The following HPSE variants were observed in gnomAD, a reference collection of about 807,000 sequenced individuals.
The protein encoded by HPSE is endo-glucoronidase.
In HPSE, 48 loss-of-function variants were observed where a neutral mutation model predicts 65.1. That is an observed-to-expected ratio of 0.74 (90% confidence interval 0.58 to 0.94). HPSE has a LOEUF of 0.94. Ranked by LOEUF, HPSE falls within the 40% of genes least tolerant of loss-of-function variation. The pLI is 0.00. For missense variants in HPSE, 644 were observed against 637.5 expected (o/e 1.01, Z -0.11); for synonymous variants, 243 against 260.0 (o/e 0.93, Z 0.63).
chr4:83,305,451 G>A (rs1011271657), intron 9 of HPSE, among the ~76,000 whole-genome samples: 1 of 152,146 alleles, frequency 6.6e-6, no homozygotes, highest in Non-Finnish European at 1.5e-5. Flanking sequence ...CAAAAGCCTA[G>A]CTTATATTTT....
chr4:83,325,441 C>T (rs762140354), intron 1 of HPSE, among the ~76,000 whole-genome samples: 1 of 152,184 alleles, frequency 6.6e-6, no homozygotes, highest in Non-Finnish European at 1.5e-5. Flanking sequence ...GCTGGGATTA[C>T]AGGCATGGGC....
At chr4:83,303,744 G>A (rs1177663900) in intron 9 of HPSE, among the ~76,000 whole-genome samples, 1 of 152,040 alleles carries the variant, frequency 6.6e-6, no homozygotes, top group Non-Finnish European at 1.5e-5. Flanking sequence ...GCCGTAGCTG[G>A]TCTTGAACTC....
intron 3 of HPSE, among the ~76,000 whole-genome samples, chr4:83,315,822 T>C (rs1257314417): frequency 6.6e-6 from 1 of 152,214 alleles, no homozygotes; most frequent in Non-Finnish European, 1.5e-5. Flanking sequence ...GTACTAGCCC[T>C]GAACAAAGAT....
intron 5 of HPSE, among the ~76,000 whole-genome samples, chr4:83,310,360 C>CTT (rs11447474): frequency 0.012 from 1,828 of 148,064 alleles, 20 homozygotes; most frequent in Non-Finnish European, 0.02. Flanking sequence ...CAGAGAGAAT[C>CTT]TTTTTTTTTT....
intron 9 of HPSE, among the ~76,000 whole-genome samples, chr4:83,305,533 GAAAATAT>G (rs1290160084): frequency 2.6e-5 from 4 of 152,100 alleles, no homozygotes; most frequent in Non-Finnish European, 5.9e-5. Context: ...ATTATTCTTA[GAAAATAT>G]ATATCTGCAA....
intron 11 of HPSE, among the ~76,000 whole-genome samples, chr4:83,298,496 G>T (rs1399107493): frequency 6.6e-6 from 1 of 151,296 alleles, no homozygotes; most frequent in African/African-American, 2.4e-5. Context: ...AAAAACAGAT[G>T]TTCATTTAAA....
At chr4:83,334,931 C>T, upstream of HPSE, 1 of 1,256,096 alleles carries the variant, frequency 8.0e-7, no homozygotes, top group Non-Finnish European at 1.1e-6. Context: ...GCCCTCCATC[C>T]CTCCCACTCC....
At position 83,292,780 on chromosome 4, in the gene HPSE, T is replaced by G. The variant is rs915187071; in HGVS notation, c.*2564A>C. 6.6e-6 allele frequency: 1 copy of G among 152,220 alleles called. No homozygotes were observed. The highest frequency in any genetic ancestry group is 1.5e-5 in the Non-Finnish European group (1 of 68,038). 9.4% of individuals were successfully genotyped at this position (152,220 alleles called of 1,614,324 possible). A position where few individuals can be genotyped will look rare whatever the true frequency, so the allele number is the denominator to read the frequency against. On this transcript the variant is annotated 3_prime_UTR_variant, in exon 12 of 12. Coordinates refer to ENST00000311412, the MANE Select transcript of HPSE (RefSeq NM_001098540.3). The stretch of plus-strand genomic sequence containing the variant: ...GGAATGGAAAACCAAATACTGCATG[T>G]TCTCACTTATAAGTGGAAGCTTAGC...
intron 5 of HPSE, among the ~76,000 whole-genome samples, chr4:83,310,356 G>A (rs1040013289): frequency 9.4e-6 from 1 of 106,630 alleles, no homozygotes; most frequent in Non-Finnish European, 2.1e-5. Context: ...CTACCAGAGA[G>A]AATCTTTTTT....
chr4:83,307,499 C>A (rs1397341786), intron 8 of HPSE, among the ~76,000 whole-genome samples: 1 of 152,098 alleles, frequency 6.6e-6, no homozygotes, highest in Non-Finnish European at 1.5e-5. Context: ...TAGAGGTATC[C>A]CTTTCAGGGT....
chr4:83,292,780 T>C lies in HPSE; in HGVS notation c.*2564A>G, dbSNP rs915187071. On this transcript the variant is annotated 3_prime_UTR_variant, in exon 12 of 12. Transcript: ENST00000311412. ...GGAATGGAAAACCAAATACTGCATG[T>C]TCTCACTTATAAGTGGAAGCTTAGC... The C allele has an allele frequency of 6.6e-6, 1 of 152,220 alleles. No individual in the cohort carries two copies. Among genetic ancestry groups the C allele is most frequent in the Non-Finnish European group, 1.5e-5 (1 of 68,038 alleles). The allele number at this position is 152,220 out of a possible 1,614,324, so 9.4% of individuals were successfully genotyped here.
intron 3 of HPSE, among the ~76,000 whole-genome samples, chr4:83,317,668 A>G (rs1374468860): frequency 6.6e-6 from 1 of 152,118 alleles, no homozygotes; most frequent in African/African-American, 2.4e-5. Context: ...AAGTAGTAAA[A>G]CTTTCTTAGA....
chr4:83,314,547 C>T (rs1736553314), intron 3 of HPSE, among the ~76,000 whole-genome samples: 1 of 152,154 alleles, frequency 6.6e-6, no homozygotes, highest in Middle Eastern at 3.2e-3. Context: ...ATTAAGGTGC[C>T]ATAAGTTTGG....
At chr4:83,299,790 AC>A (rs1163198514) in intron 11 of HPSE, among the ~76,000 whole-genome samples, 2 of 151,500 alleles carry the variant, frequency 1.3e-5, no homozygotes, top group African/African-American at 2.4e-5. Context: ...TGCAGCCATG[AC>A]CCCCCTGGGC....
chr4:83,330,170 A>C (rs1055347658), intron 1 of HPSE, among the ~76,000 whole-genome samples: 12 of 152,244 alleles, frequency 7.9e-5, no homozygotes, highest in African/African-American at 2.9e-4. Context: ...GTGGGCTGTC[A>C]TCCAGAAGCC....
intron 2 of HPSE, among the ~76,000 whole-genome samples, chr4:83,320,925 G>A (rs1434276157): frequency 1.3e-5 from 2 of 152,158 alleles, no homozygotes; most frequent in South Asian, 2.1e-4. Context: ...ACTAGGTTGG[G>A]TGTGGTGGCT....
intron 1 of HPSE, among the ~76,000 whole-genome samples, chr4:83,329,961 T>C (rs1737301639): frequency 6.6e-6 from 1 of 152,192 alleles, no homozygotes; most frequent in African/African-American, 2.4e-5. Flanking sequence ...GCATCACCCG[T>C]AATGCACATC....
intron 9 of HPSE, among the ~76,000 whole-genome samples, chr4:83,303,992 A>G (rs1736059027): frequency 7.2e-6 from 1 of 138,898 alleles, no homozygotes; most frequent in Admixed American, 7.8e-5. Flanking sequence ...GTTGGGATGG[A>G]CCTCTGTAAC....
intron 8 of HPSE, 149 bp downstream of exon 8, chr4:83,308,696 C>A (rs910377194): frequency 8.0e-6 from 5 of 628,902 alleles, no homozygotes; most frequent in East Asian, 2.7e-5. Flanking sequence ...TTTAGTAAAT[C>A]ATTTTCTTGC....
Sources: allele counts gnomAD v4.1 joint callset (sites outside exome capture counted in the v4.1 genomes callset), GRCh38; gene constraint gnomAD v4.1.1; transcripts MANE v1.5; gene names NCBI Gene and HGNC (gene_info 2026-07-23, HGNC 2026-07-21).